ADAM32: variants seen among roughly 807,000 people sequenced by gnomAD.
ADAM32 encodes ADAM metallopeptidase domain 32, also known as disintegrin and metalloproteinase domain-containing protein 32.
Under a neutral mutation model 114.9 loss-of-function variants are expected in ADAM32, and 89 were observed. That is an observed-to-expected ratio of 0.77 (90% CI 0.65 to 0.92). The LOEUF (loss-of-function observed/expected upper bound fraction) is 0.92, where lower values mean the gene tolerates loss of function less well. ADAM32 is among the 40% of genes least tolerant of loss of function. The pLI is 0.00. For synonymous variants in ADAM32, 285 were observed against 307.5 expected (o/e 0.93, Z 0.77); for missense variants, 870 against 932.8 (o/e 0.93, Z 0.88).
At chr8:39,227,929 C>T (rs879945234) in intron 14 of ADAM32, among the ~76,000 whole-genome samples, 4 of 152,170 alleles carry the variant, frequency 2.6e-5, no homozygotes, top group Admixed American at 6.5e-5. Flanking sequence ...GAGTCCATTA[C>T]GCCCTCCGCT....
At chr8:39,152,081 A>G (rs1803870365) in intron 6 of ADAM32, among the ~76,000 whole-genome samples, 2 of 152,132 alleles carry the variant, frequency 1.3e-5, no homozygotes, top group African/African-American at 2.4e-5. Context: ...CCTCTTGTAT[A>G]TGCAATATAA....
intron 16 of ADAM32, 49 bp downstream of exon 16, chr8:39,234,131 T>C: frequency 8.4e-7 from 1 of 1,192,758 alleles, no homozygotes; most frequent in Non-Finnish European, 1.1e-6. Flanking sequence ...TTTATTGTTT[T>C]CATCTTTTTA....
At chr8:39,279,529 G>T (rs1029457319) in intron 22 of ADAM32, among the ~76,000 whole-genome samples, 1 of 152,096 alleles carries the variant, frequency 6.6e-6, no homozygotes. Flanking sequence ...TGATCCACTC[G>T]CCTCGGCCTC....
intron 10 of ADAM32, among the ~76,000 whole-genome samples, chr8:39,176,786 T>C (rs1805558700): frequency 6.6e-6 from 1 of 152,128 alleles, no homozygotes; most frequent in Admixed American, 6.5e-5. Context: ...GTCAGTGGGG[T>C]GTTAAAGTCT....
intron 7 of ADAM32, among the ~76,000 whole-genome samples, chr8:39,163,084 G>T (rs1318126811): frequency 2.0e-5 from 3 of 152,138 alleles, no homozygotes; most frequent in Non-Finnish European, 4.4e-5. Flanking sequence ...CGTAATTATG[G>T]CATAGTGAAT....
At chr8:39,142,238 T>C (rs1048279422) in intron 3 of ADAM32, among the ~76,000 whole-genome samples, 2 of 152,216 alleles carry the variant, frequency 1.3e-5, no homozygotes, top group Non-Finnish European at 2.9e-5. Flanking sequence ...AATTTGATCC[T>C]GTCATTATGA....
rs768109465 is a variant in ADAM32 at position 39,221,572 on chromosome 8, A to G, written c.1234-38A>G. The G allele has an allele frequency of 1.8e-5, 26 of 1,480,392 alleles. No homozygotes were observed. In the Admixed American group the frequency reaches 4.3e-4, roughly 25 times the overall value. 91.7% of individuals were successfully genotyped at this position (1,480,392 alleles called of 1,614,324 possible). ...TCCTAGTAAAGATTTTACTATTGTC[A>G]TGATGTATTTTTACTTGTACATTTC... On this transcript the variant is annotated intron_variant, in intron 12 of 24. Transcript: ENST00000379907.
At chr8:39,211,954 T>A (rs187023291) in intron 12 of ADAM32, among the ~76,000 whole-genome samples, 1 of 152,274 alleles carries the variant, frequency 6.6e-6, no homozygotes, top group African/African-American at 2.4e-5. Context: ...AATTACTGTG[T>A]TTTTGTATTA....
chr8:39,189,769 T>C (rs1451992066), intron 11 of ADAM32, among the ~76,000 whole-genome samples: 1 of 152,168 alleles, frequency 6.6e-6, no homozygotes, highest in East Asian at 1.9e-4. Flanking sequence ...CTACCCACTC[T>C]TCCCAGTCTC....
chr8:39,241,449 A>G (rs1343024656), intron 16 of ADAM32, among the ~76,000 whole-genome samples: 2 of 152,222 alleles, frequency 1.3e-5, no homozygotes, highest in African/African-American at 4.8e-5. Flanking sequence ...GAGGTTCTCC[A>G]TGAGGGCTCC....
intron 6 of ADAM32, chr8:39,157,701 G>A: frequency 1.1e-6 from 1 of 942,668 alleles, no homozygotes; most frequent in Non-Finnish European, 1.7e-6. Context: ...AAGACTTGTG[G>A]AGGATGAGCG....
intron 16 of ADAM32, among the ~76,000 whole-genome samples, chr8:39,239,929 A>T (rs923092639): frequency 3.9e-5 from 6 of 152,210 alleles, no homozygotes; most frequent in Non-Finnish European, 5.9e-5. Context: ...AATTTATAAA[A>T]CAATTCTTGA....
intron 3 of ADAM32, among the ~76,000 whole-genome samples, chr8:39,140,482 C>T (rs1803081109): frequency 6.6e-6 from 1 of 152,176 alleles, no homozygotes; most frequent in Admixed American, 6.5e-5. Flanking sequence ...TCGAACCAGC[C>T]TTGCATCCCA....
intron 7 of ADAM32, among the ~76,000 whole-genome samples, chr8:39,164,400 A>T (rs1054083541): frequency 1.3e-5 from 2 of 152,196 alleles, no homozygotes; most frequent in Non-Finnish European, 2.9e-5. Flanking sequence ...AGTTATTTCT[A>T]GTTTTTAGCT....
intron 2 of ADAM32, among the ~76,000 whole-genome samples, chr8:39,118,617 C>A (rs990194398): frequency 2.6e-5 from 4 of 152,066 alleles, no homozygotes; most frequent in African/African-American, 9.7e-5. Context: ...ATTTATTTAG[C>A]AACTATTTCT....
chr8:39,136,184 A>G (rs1383084148), intron 2 of ADAM32, among the ~76,000 whole-genome samples: 1 of 152,256 alleles, frequency 6.6e-6, no homozygotes, highest in Non-Finnish European at 1.5e-5. Flanking sequence ...GTAGAGATAA[A>G]GTCAAAGACA....
chr8:39,130,797 C>G (rs1451873400), intron 2 of ADAM32: 1 of 428,990 alleles, frequency 2.3e-6, no homozygotes, highest in Admixed American at 2.7e-5. Context: ...TTTTTGTGGC[C>G]TAGAATATGG....
chr8:39,187,058 A>T lies in ADAM32; in HGVS notation c.1052+13A>T, dbSNP rs1806287896. Reference sequence around the variant, plus strand: ...ATCCAGAAGTTGTGTAAGTTTTAACAATTTATTTATTGCTTATGTTTATTT... The same window carrying T: ...ATCCAGAAGTTGTGTAAGTTTTAACTATTTATTTATTGCTTATGTTTATTT... On this transcript the variant is annotated intron_variant, in intron 11 of 24. Coordinates refer to ENST00000379907, the MANE Select transcript of ADAM32 (RefSeq NM_145004.7). 2.5e-6 allele frequency: 4 copies of T among 1,588,288 alleles called. No individual in the cohort carries two copies. The highest frequency in any genetic ancestry group is 3.4e-6 in the Non-Finnish European group (4 of 1,167,566).
chr8:39,150,748 G>T (rs1010146742), intron 5 of ADAM32, among the ~76,000 whole-genome samples: 1 of 152,072 alleles, frequency 6.6e-6, no homozygotes, highest in Non-Finnish European at 1.5e-5. Flanking sequence ...GCTGCCACCT[G>T]TATTCACAGA....
Sources: allele counts gnomAD v4.1 joint callset (sites outside exome capture counted in the v4.1 genomes callset), GRCh38; gene constraint gnomAD v4.1.1; transcripts MANE v1.5; gene names NCBI Gene and HGNC (gene_info 2026-07-23, HGNC 2026-07-21).